SELENOO: variants seen among roughly 807,000 people sequenced by gnomAD.
The protein encoded by SELENOO is selenoprotein O, also known as protein adenylyltransferase SelO, mitochondrial.
In SELENOO, 74 loss-of-function variants were observed where a neutral mutation model predicts 58.7. The ratio of observed to expected loss-of-function variants is 1.26; its 90% CI spans 1.04 to 1.53. SELENOO has a LOEUF of 1.53. SELENOO is among the 40% of genes most tolerant of loss of function. The pLI is 0.00. For missense variants in SELENOO, 1,149 were observed against 970.0 expected, an observed-to-expected ratio of 1.18 and a Z score of -2.45; for synonymous variants, 543 against 453.2, an observed-to-expected ratio of 1.20 and a Z score of -2.52.
At chr22:50,205,609 T>C (rs944576770) in intron 1 of SELENOO, 1 of 152,292 alleles carries the variant, frequency 6.6e-6, no homozygotes, top group Non-Finnish European at 1.5e-5. Flanking sequence ...TTATTTTATG[T>C]GTATTTTACC....
chr22:50,217,058 CG>C lies in SELENOO; in HGVS notation c.1776del (p.Lys593SerfsTer4). 6.2e-7 allele frequency: 1 copy of C among 1,612,784 alleles called. No individual in the cohort carries two copies. The highest frequency in any genetic ancestry group is 8.5e-7 in the Non-Finnish European group (1 of 1,179,964). ...GTGCGCGTGATGCACGCCAACAACC[CG>C]AAGTACGTGCTGAGGAACTACATCG... is the stretch of plus-strand genomic sequence containing the variant. Reference protein sequence around the residue: ...EHVRVMHANNPKYVLRNYIAQ... With the variant: ...EHVRVMHANNXKYVLRNYIAQ... On this transcript the variant is annotated frameshift_variant, in exon 8 of 9. Transcript: ENST00000380903. LOFTEE classifies it high-confidence loss of function.
At chr22:50,205,993 G>A (rs2064330427) in intron 1 of SELENOO, 1 of 401,222 alleles carries the variant, frequency 2.5e-6, no homozygotes, top group African/African-American at 2.1e-5. Context: ...GGCTGCCCCA[G>A]GCCCTTTGTC....
intron 1 of SELENOO, among the ~76,000 whole-genome samples, chr22:50,204,214 A>G (rs2064318565): frequency 6.6e-6 from 1 of 152,178 alleles, no homozygotes; most frequent in Non-Finnish European, 1.5e-5. Flanking sequence ...GGTGCCTGTA[A>G]TCCCAGCTAC....
chr22:50,210,341 A>AG (rs1478856083), intron 4 of SELENOO, 30 bp downstream of exon 4: 11 of 1,605,632 alleles, frequency 6.9e-6, no homozygotes, highest in South Asian at 2.2e-5. Context: ...AGCAAAGTGC[A>AG]GGCCCCAGGG....
intron 5 of SELENOO, among the ~76,000 whole-genome samples, chr22:50,213,174 CT>C (rs1302394329): frequency 6.6e-6 from 1 of 152,142 alleles, no homozygotes; most frequent in Non-Finnish European, 1.5e-5. Context: ...GGTTCTCCTC[CT>C]TCAGACTCCC....
chr22:50,213,419 T>C (rs950820865), intron 5 of SELENOO, among the ~76,000 whole-genome samples: 2 of 152,132 alleles, frequency 1.3e-5, no homozygotes, highest in Non-Finnish European at 2.9e-5. Context: ...TGTCAGCCTT[T>C]TGAGGTTTAT....
intron 5 of SELENOO, among the ~76,000 whole-genome samples, chr22:50,213,180 A>G (rs1361443882): frequency 6.6e-6 from 1 of 151,560 alleles, no homozygotes; most frequent in Non-Finnish European, 1.5e-5. Context: ...CCTCCTTCAG[A>G]CTCCCAAGTA....
At chr22:50,210,965 G>C in intron 5 of SELENOO, 54 bp downstream of exon 5, 1 of 1,598,960 alleles carries the variant, frequency 6.3e-7, no homozygotes. Context: ...GTTGTGCTTA[G>C]AGATGGTTTA....
At chr22:50,216,908 G>A (rs780614679) in intron 7 of SELENOO, 32 bp downstream of exon 7, 90 of 1,601,948 alleles carry the variant, frequency 5.6e-5, no homozygotes, top group East Asian at 8.9e-5. Context: ...ACCGGGGGAC[G>A]GCGGGTCGCG....
intron 1 of SELENOO, among the ~76,000 whole-genome samples, chr22:50,202,919 CATGAAGAAA>C (rs905202903): frequency 1.2e-4 from 18 of 152,114 alleles, no homozygotes; most frequent in African/African-American, 2.4e-4. Flanking sequence ...AACTGAAAAA[CATGAAGAAA>C]ATAAAGAAAA....
chr22:50,217,053 CA>C lies in SELENOO; in HGVS notation c.1772del (p.Asn591ThrfsTer6), dbSNP rs2064421414. On this transcript the variant is annotated frameshift_variant, in exon 8 of 9. Coordinates refer to ENST00000380903, the MANE Select transcript of SELENOO (RefSeq NM_031454.2). LOFTEE classifies it high-confidence loss of function. ...AGCACGTGCGCGTGATGCACGCCAA[CA>C]ACCCGAAGTACGTGCTGAGGAACTA... ...AEHVRVMHAN[N>X]PKYVLRNYIA... The C allele has an allele frequency of 6.2e-7, 1 of 1,612,698 alleles. No homozygotes were observed. The highest frequency in any genetic ancestry group is 1.1e-5 in the South Asian group (1 of 91,090).
At chr22:50,207,686 C>T (rs2064341567) in intron 2 of SELENOO, among the ~76,000 whole-genome samples, 1 of 149,228 alleles carries the variant, frequency 6.7e-6, no homozygotes, top group African/African-American at 2.5e-5. Flanking sequence ...ACACAGCATC[C>T]CTGCCCTGGG....
intron 5 of SELENOO, among the ~76,000 whole-genome samples, chr22:50,212,883 AC>A (rs2064380809): frequency 6.6e-6 from 1 of 152,130 alleles, no homozygotes; most frequent in African/African-American, 2.4e-5. Context: ...AAGTGGAGTT[AC>A]GCAGCGTGTG....
intron 3 of SELENOO, chr22:50,209,569 CCT>C (rs2064354493): frequency 6.5e-6 from 1 of 152,694 alleles, no homozygotes; most frequent in South Asian, 2.1e-4. Context: ...TCACTCTGCC[CCT>C]CTGAGCCTCA....
rs1602499223 is a variant in SELENOO at position 50,217,273 on chromosome 22, G to C, written c.1914G>C (p.Glu638Asp). The C allele has an allele frequency of 4.3e-6, 7 of 1,612,192 alleles. No individual in the cohort carries two copies. The highest frequency in any genetic ancestry group is 1.7e-6 in the Non-Finnish European group (2 of 1,179,686). Reference protein sequence around the residue: ...HCEAGAATDAEATEADGADGR... With the variant: ...HCEAGAATDADATEADGADGR... ...AGGCGGGGGCCGCCACAGACGCCGAGGCCACGGAAGCCGACGGGGCGGACG... is the reference window on the plus strand; with the variant it reads ...AGGCGGGGGCCGCCACAGACGCCGACGCCACGGAAGCCGACGGGGCGGACG... The change falls in exon 9 of 9, where the codon GAG becomes GAC. Residue 638 changes from glutamate (E) to aspartate (D), a missense_variant. Coordinates refer to ENST00000380903, the MANE Select transcript of SELENOO (RefSeq NM_031454.2).
intron 5 of SELENOO, among the ~76,000 whole-genome samples, chr22:50,214,025 CCCTT>C (rs2064389388): frequency 2.0e-5 from 3 of 152,214 alleles, no homozygotes; most frequent in Admixed American, 2.0e-4. Context: ...TGTTGTCTGT[CCCTT>C]CCATTCTGCC....
At chr22:50,210,159 C>T in intron 3 of SELENOO, 22 bp from the exon 4 acceptor site, 1 of 1,609,266 alleles carries the variant, frequency 6.2e-7, no homozygotes, top group Non-Finnish European at 8.5e-7. Context: ...GAGGAGGGAG[C>T]AAGCACACTG....
At chr22:50,204,378 G>A (rs1191975449) in intron 1 of SELENOO, among the ~76,000 whole-genome samples, 2 of 152,186 alleles carry the variant, frequency 1.3e-5, no homozygotes, top group Non-Finnish European at 2.9e-5. Flanking sequence ...TGTAATCCCA[G>A]CACTTTGGGA....
rs551050660 is a variant in SELENOO, at chr22:50,217,427, T to C, written c.*58T>C. 1.2e-5 allele frequency: 19 copies of C among 1,582,078 alleles called. No homozygotes were observed. Among genetic ancestry groups the C allele is most frequent in the Non-Finnish European group, 1.6e-5 (19 of 1,165,274 alleles). On this transcript the variant is annotated 3_prime_UTR_variant, in exon 9 of 9. Coordinates refer to ENST00000380903, the MANE Select transcript of SELENOO (RefSeq NM_031454.2). ...CCCGAGGCCCCCATGTGCTGCTGAG[T>C]GGCCAAGATGATGCCAGGCTGCCCT...
Sources: gnomAD v4.1 joint callset for allele counts (sites outside exome capture counted in the v4.1 genomes callset) on GRCh38, gnomAD v4.1.1 for gene constraint, MANE v1.5 for transcripts, NCBI Gene and HGNC (gene_info 2026-07-23, HGNC 2026-07-21) for gene names.